Variants in PHACTR1 observed in about 807,000 individuals in gnomAD.
PHACTR1 encodes phosphatase and actin regulator 1, also known as RPEL repeat containing 1.
A neutral mutation model predicts 69.2 loss-of-function variants in PHACTR1; 16 were observed. That is an observed-to-expected ratio of 0.23 (90% CI 0.16 to 0.35). The LOEUF (loss-of-function observed/expected upper bound fraction) is 0.35, where lower values mean the gene tolerates loss of function less well. Ranked by LOEUF, PHACTR1 falls within the 10% of genes least tolerant of loss-of-function variation. PHACTR1 has a pLI of 1.00. For synonymous variants in PHACTR1, 312 were observed against 284.5 expected (o/e 1.10, Z -0.97); for missense variants, 510 against 734.7 (o/e 0.69, Z 3.54).
At chr6:12,761,901 A>T (rs1395267070) in intron 4 of PHACTR1, among the ~76,000 whole-genome samples, 2 of 152,210 alleles carry the variant, frequency 1.3e-5, no homozygotes, top group Admixed American at 1.3e-4. Flanking sequence ...CACTCAAACC[A>T]TAGAATGACA....
intron 4 of PHACTR1, among the ~76,000 whole-genome samples, chr6:12,895,108 T>A (rs1201034113): frequency 6.6e-6 from 1 of 152,078 alleles, no homozygotes; most frequent in Non-Finnish European, 1.5e-5. Context: ...TATAATATTC[T>A]ACTCTTAGGA....
rs897756211 is a variant in PHACTR1, at chr6:12,855,558, C to T, written c.250+105768C>T. Among the ~76,000 whole-genome samples, 6 of 152,190 alleles carry T rather than the reference C, an allele frequency of 3.9e-5. No homozygotes were observed. The East Asian group carries it at 7.7e-4, about 20-fold the overall frequency. ...AACACAGAAACAGAAAATAAAATAT[C>T]GCATGTTCTCATTTATAAGTGGGAG... On this transcript the variant is annotated intron_variant, in intron 4 of 14. Coordinates refer to ENST00000332995, the MANE Select transcript of PHACTR1 (RefSeq NM_030948.6).
chr6:13,086,523 C>T (rs796754427), intron 5 of PHACTR1, among the ~76,000 whole-genome samples: 9 of 152,204 alleles, frequency 5.9e-5, no homozygotes, highest in African/African-American at 1.9e-4. Context: ...CCCCAGTAAC[C>T]AGTGCTTTTT....
intron 4 of PHACTR1, among the ~76,000 whole-genome samples, chr6:12,952,846 C>T (rs980349736): frequency 3.3e-5 from 5 of 152,180 alleles, no homozygotes; most frequent in Non-Finnish European, 7.3e-5. Context: ...ATGAGGGTTC[C>T]TTCCTGTCCT....
intron 5 of PHACTR1, among the ~76,000 whole-genome samples, chr6:13,086,477 A>G (rs932951972): frequency 6.6e-6 from 1 of 152,082 alleles, no homozygotes; most frequent in Non-Finnish European, 1.5e-5. Flanking sequence ...AAATTCCTTC[A>G]TTCCCCTTTG....
At chr6:13,058,976 T>C (rs1370366008) in intron 5 of PHACTR1, among the ~76,000 whole-genome samples, 1 of 152,082 alleles carries the variant, frequency 6.6e-6, no homozygotes, top group Admixed American at 6.6e-5. Context: ...ATGCAGATGA[T>C]AGTAGCCTGA....
intron 12 of PHACTR1, chr6:13,281,303 C>T (rs1227969162): frequency 2.7e-6 from 1 of 372,112 alleles, no homozygotes; most frequent in African/African-American, 2.1e-5. Context: ...TCTGTAATCC[C>T]AGCACTTTGG....
At chr6:12,978,443 C>T (rs1361771518) in intron 4 of PHACTR1, among the ~76,000 whole-genome samples, 2 of 152,202 alleles carry the variant, frequency 1.3e-5, no homozygotes, top group African/African-American at 2.4e-5. Flanking sequence ...AGTCAGGGCT[C>T]GCCTACCTCC....
At chr6:12,752,542 A>G (rs1766754848) in intron 4 of PHACTR1, among the ~76,000 whole-genome samples, 1 of 152,230 alleles carries the variant, frequency 6.6e-6, no homozygotes, top group South Asian at 2.1e-4. Flanking sequence ...GTAATTATAC[A>G]TAAACCCATG....
chr6:13,161,312 C>A (rs1758973134), intron 6 of PHACTR1, among the ~76,000 whole-genome samples: 1 of 152,114 alleles, frequency 6.6e-6, no homozygotes, highest in South Asian at 2.1e-4. Context: ...ATGCGTGCAC[C>A]TTCTCTTCTT....
rs371607309 is a variant in PHACTR1 at position 12,747,620 on chromosome 6, T to C, written c.104-2024T>C. Among the ~76,000 whole-genome samples the C allele has an allele frequency of 3.9e-5, 6 of 152,070 alleles. No homozygotes were observed. The East Asian group carries it at 1.2e-3, about 29-fold the overall frequency. On this transcript the variant is annotated intron_variant, in intron 3 of 14. Transcript: ENST00000332995. ...AAGTCAGGACTGTAGTGAGTTAAGG[T>C]CATGCCATTGCACTCCAGTCTCAAA...
intron 4 of PHACTR1, among the ~76,000 whole-genome samples, chr6:13,010,832 T>C (rs574993320): frequency 4.0e-5 from 6 of 150,896 alleles, no homozygotes; most frequent in African/African-American, 1.5e-4. Context: ...AAAAAAAAGC[T>C]ACAAGGAAAC....
At chr6:13,244,363 T>A (rs771688335) in intron 10 of PHACTR1, among the ~76,000 whole-genome samples, 15 of 152,190 alleles carry the variant, frequency 9.9e-5, no homozygotes, top group Non-Finnish European at 2.1e-4. Flanking sequence ...CGGGCACCAT[T>A]GTCATTGATA....
chr6:12,979,205 G>A (rs1795220012), intron 4 of PHACTR1, among the ~76,000 whole-genome samples: 1 of 152,198 alleles, frequency 6.6e-6, no homozygotes, highest in Non-Finnish European at 1.5e-5. Context: ...GGAGGAGGCG[G>A]AAGAGTGAAT....
chr6:12,872,449 C>A (rs1289705602), intron 4 of PHACTR1, among the ~76,000 whole-genome samples: 1 of 151,990 alleles, frequency 6.6e-6, no homozygotes, highest in African/African-American at 2.4e-5. Flanking sequence ...AACACACAGA[C>A]ACACACACAC....
chr6:12,955,857 C>A (rs1364949668), intron 4 of PHACTR1, among the ~76,000 whole-genome samples: 3 of 152,186 alleles, frequency 2.0e-5, no homozygotes, highest in Non-Finnish European at 4.4e-5. Context: ...TCTTCTAACT[C>A]CCGCCTATGA....
At chr6:12,980,870 C>T (rs774766268) in intron 4 of PHACTR1, among the ~76,000 whole-genome samples, 7 of 152,210 alleles carry the variant, frequency 4.6e-5, no homozygotes, top group Non-Finnish European at 1.0e-4. Context: ...CTGAATCTGC[C>T]TACACGATGT....
intron 4 of PHACTR1, among the ~76,000 whole-genome samples, chr6:12,788,688 C>A (rs1017882285): frequency 2.0e-5 from 3 of 152,166 alleles, no homozygotes; most frequent in African/African-American, 7.2e-5. Context: ...TGTCTGGGTG[C>A]CCATTGTGCC....
chr6:13,231,912 G>T (rs1415503989), intron 10 of PHACTR1, among the ~76,000 whole-genome samples: 2 of 152,146 alleles, frequency 1.3e-5, no homozygotes, highest in Non-Finnish European at 2.9e-5. Context: ...TGGTTACTTT[G>T]CATAATGTCA....
Sources: allele counts gnomAD v4.1 joint callset (sites outside exome capture counted in the v4.1 genomes callset), GRCh38; gene constraint gnomAD v4.1.1; transcripts MANE v1.5; gene names NCBI Gene and HGNC (gene_info 2026-07-23, HGNC 2026-07-21).